RNFT2: variants seen among roughly 807,000 people sequenced by gnomAD.
RNFT2 encodes the protein ring finger protein, transmembrane 2.
Under a neutral mutation model 53.0 loss-of-function variants are expected in RNFT2, and 36 were observed. That is an observed-to-expected ratio of 0.68 (90% confidence interval 0.52 to 0.90). The LOEUF is 0.90. Ranked by LOEUF, RNFT2 falls within the 40% of genes least tolerant of loss-of-function variation. RNFT2 has a pLI of 0.00. For synonymous variants in RNFT2, 260 were observed against 253.2 expected (o/e 1.03, Z -0.26); for missense variants, 514 against 585.6 (o/e 0.88, Z 1.26).
In RNFT2 at chr12:116,739,191, C is replaced by T. The variant is rs373613840; in HGVS notation, c.-154+821C>T. 2.0e-5 allele frequency among the ~76,000 whole-genome samples: 3 copies of T among 152,164 alleles called. No individual in the cohort carries two copies. The South Asian group carries it at 6.2e-4, about 32-fold the overall frequency. On this transcript the variant is annotated intron_variant, in intron 1 of 10. Transcript: ENST00000257575. Reference sequence around the variant, plus strand: ...CCCTATATCCACAATATTGGCTCTGCCTCCAGAGACAAGAAGATATTCACG... The same window carrying T: ...CCCTATATCCACAATATTGGCTCTGTCTCCAGAGACAAGAAGATATTCACG...
chr12:116,811,806 TCTC>T (rs1424237503), intron 7 of RNFT2, among the ~76,000 whole-genome samples: 1 of 152,158 alleles, frequency 6.6e-6, no homozygotes, highest in East Asian at 1.9e-4. Flanking sequence ...CTCTGGCTCT[TCTC>T]CTCGGGGCCC....
chr12:116,837,910 C>T (rs1431438691), intron 10 of RNFT2, among the ~76,000 whole-genome samples: 1 of 151,482 alleles, frequency 6.6e-6, no homozygotes, highest in Non-Finnish European at 1.5e-5. Flanking sequence ...TAAATTATTC[C>T]AAAATAAAAA....
intron 4 of RNFT2, among the ~76,000 whole-genome samples, 156 bp from the exon 5 acceptor site, chr12:116,753,828 C>T (rs1335516532): frequency 6.6e-6 from 1 of 152,164 alleles, no homozygotes; most frequent in Non-Finnish European, 1.5e-5. Context: ...TAGATGGCAG[C>T]CCAAATCCCC....
chr12:116,751,684 A>C (rs532319394), intron 4 of RNFT2, among the ~76,000 whole-genome samples: 7 of 152,274 alleles, frequency 4.6e-5, no homozygotes, highest in African/African-American at 1.7e-4. Flanking sequence ...TACAGGCGTG[A>C]GCTACTGTGC....
intron 7 of RNFT2, among the ~76,000 whole-genome samples, chr12:116,831,001 A>G (rs185491357): frequency 4.6e-5 from 7 of 152,132 alleles, no homozygotes; most frequent in Admixed American, 2.0e-4. Context: ...ATTCTCTCCA[A>G]CCTCACACTC....
intron 7 of RNFT2, among the ~76,000 whole-genome samples, chr12:116,822,904 C>G (rs183490494): frequency 5.3e-5 from 8 of 152,020 alleles, no homozygotes; most frequent in Admixed American, 5.2e-4. Flanking sequence ...GGCTGAGGCA[C>G]GAGAATCACT....
chr12:116,833,523 A>G (rs896581413), intron 7 of RNFT2, among the ~76,000 whole-genome samples: 6 of 152,112 alleles, frequency 3.9e-5, no homozygotes, highest in Non-Finnish European at 5.9e-5. Context: ...CCAAAGGTGT[A>G]GGGTTTCTCC....
intron 7 of RNFT2, among the ~76,000 whole-genome samples, chr12:116,798,239 AAGCAGC>A (rs895297677): frequency 6.6e-6 from 1 of 151,566 alleles, no homozygotes; most frequent in Non-Finnish European, 1.5e-5. Context: ...AAAAAAAAAG[AAGCAGC>A]AGCAGCAGCA....
chr12:116,835,921 C>A, intron 8 of RNFT2, 39 bp from the exon 9 acceptor site: 1 of 1,611,878 alleles, frequency 6.2e-7, no homozygotes, highest in African/African-American at 1.3e-5. Context: ...ACGAGTGATC[C>A]TTGGGTACAT....
At chr12:116,843,556 C>G (rs564790981) in intron 10 of RNFT2, among the ~76,000 whole-genome samples, 2 of 151,632 alleles carry the variant, frequency 1.3e-5, no homozygotes, top group African/African-American at 4.8e-5. Context: ...CCAGGGCCAC[C>G]TGCCTTCCCC....
intron 5 of RNFT2, chr12:116,755,940 C>T: frequency 1.0e-6 from 1 of 956,384 alleles, no homozygotes; most frequent in East Asian, 2.5e-5. Context: ...ATTTTTGTAC[C>T]AGTACCATGC....
intron 10 of RNFT2, among the ~76,000 whole-genome samples, chr12:116,847,552 A>G (rs1459424679): frequency 6.9e-6 from 1 of 145,200 alleles, no homozygotes; most frequent in Non-Finnish European, 1.5e-5. Flanking sequence ...TTTGAGGCAG[A>G]GTTTTGCTCT....
At chr12:116,740,859 A>G in intron 2 of RNFT2, 177 bp from the exon 3 acceptor site, 1 of 653,154 alleles carries the variant, frequency 1.5e-6, no homozygotes, top group Admixed American at 2.4e-5. Context: ...CATGGGATAG[A>G]ATGTCACATT....
At chr12:116,784,296 C>T (rs556397786) in intron 7 of RNFT2, among the ~76,000 whole-genome samples, 1 of 152,202 alleles carries the variant, frequency 6.6e-6, no homozygotes, top group Non-Finnish European at 1.5e-5. Flanking sequence ...CAGCATCCGC[C>T]GCACGTGTCG....
chr12:116,751,943 C>G (rs1353301334), intron 4 of RNFT2, among the ~76,000 whole-genome samples: 1 of 152,088 alleles, frequency 6.6e-6, no homozygotes, highest in Non-Finnish European at 1.5e-5. Context: ...CCACCACACC[C>G]GGCTTACTTA....
intron 7 of RNFT2, among the ~76,000 whole-genome samples, chr12:116,795,939 C>G (rs1874485091): frequency 6.6e-6 from 1 of 151,872 alleles, no homozygotes; most frequent in African/African-American, 2.4e-5. Flanking sequence ...GACAGAGTCT[C>G]ACTCTGTCAC....
At chr12:116,741,575 C>T (rs1871611820) in intron 3 of RNFT2, among the ~76,000 whole-genome samples, 1 of 152,182 alleles carries the variant, frequency 6.6e-6, no homozygotes, top group South Asian at 2.1e-4. Flanking sequence ...TTTAAGGGCA[C>T]TAATCCCATT....
Position 116,853,452 on chromosome 12 carries a change from G to A in RNFT2, c.*4004G>A. On this transcript the variant is annotated 3_prime_UTR_variant, in exon 11 of 11. Coordinates refer to ENST00000257575, the MANE Select transcript of RNFT2 (RefSeq NM_001382266.1). ...TGCATCAGCTTCGGAAGAGAAGAAT[G>A]ATGTGCAGAGTGTTAGGAAGACATC... 2.8e-6 allele frequency: 1 copy of A among 355,950 alleles called. No individual in the cohort carries two copies. The highest frequency in any genetic ancestry group is 5.0e-6 in the Non-Finnish European group (1 of 199,532). The allele number at this position is 355,950 out of a possible 1,614,324, so 22.0% of individuals were successfully genotyped here. A position where few individuals can be genotyped will look rare whatever the true frequency, so the allele number is the denominator to read the frequency against.
chr12:116,748,853 C>T, intron 3 of RNFT2: 1 of 214,392 alleles, frequency 4.7e-6, no homozygotes, highest in South Asian at 4.5e-5. Context: ...CCTGCTCCAT[C>T]CCTTACCAGC....
Sources: allele counts gnomAD v4.1 joint callset (sites outside exome capture counted in the v4.1 genomes callset), GRCh38; gene constraint gnomAD v4.1.1; transcripts MANE v1.5; gene names NCBI Gene and HGNC (gene_info 2026-07-23, HGNC 2026-07-21).